Variants in ZNF561 observed in about 807,000 individuals in gnomAD.
ZNF561 encodes zinc finger protein 561.
In ZNF561, 16 loss-of-function variants were observed where a neutral mutation model predicts 16.7. The observed-to-expected ratio is 0.96, with a 90% CI of 0.65 to 1.45. ZNF561 has a LOEUF of 1.45. Ranked by LOEUF, ZNF561 falls within the 40% of genes most tolerant of loss-of-function variation. The probability of loss-of-function intolerance (pLI) is 0.00; values close to 1 mark genes in which losing one functional copy is unlikely to be tolerated. For missense variants in ZNF561, 580 were observed against 578.0 expected (o/e 1.00, Z -0.04); for synonymous variants, 190 against 192.1 (o/e 0.99, Z 0.09).
At position 9,609,746 on chromosome 19, in the gene ZNF561, G is replaced by C. The variant is rs1278206937; in HGVS notation, c.*454C>G. 1 of 155,986 alleles carries C rather than the reference G, an allele frequency of 6.4e-6. No homozygotes were observed. The highest frequency in any genetic ancestry group is 1.4e-5 in the Non-Finnish European group (1 of 70,384). 9.7% of individuals were successfully genotyped at this position (155,986 alleles called of 1,614,324 possible). A position where few individuals can be genotyped will look rare whatever the true frequency, so the allele number is the denominator to read the frequency against. ...GAAAGGGCACTGGCAGTTATGGATG[G>C]TTTCATTCCTGACACGCTCTGCAGG... On this transcript the variant is annotated 3_prime_UTR_variant, in exon 6 of 6. Coordinates refer to ENST00000302851, the MANE Select transcript of ZNF561 (RefSeq NM_152289.3).
Sources: allele counts gnomAD v4.1 joint callset, GRCh38; gene constraint gnomAD v4.1.1; transcripts MANE v1.5; gene names NCBI Gene and HGNC (gene_info 2026-07-23, HGNC 2026-07-21).